TGFA: variants seen among roughly 807,000 people sequenced by gnomAD.
TGFA encodes the protein transforming growth factor alpha.
In TGFA, 12 loss-of-function variants were observed where a neutral mutation model predicts 21.7. The ratio of observed to expected loss-of-function variants is 0.55; its 90% CI spans 0.35 to 0.90. The LOEUF (loss-of-function observed/expected upper bound fraction) is 0.90, where lower values mean the gene tolerates loss of function less well. TGFA is among the 40% of genes least tolerant of loss of function. TGFA has a pLI of 0.01. For synonymous variants in TGFA, 79 were observed against 88.1 expected (o/e 0.90, Z 0.58); for missense variants, 178 against 210.8 (o/e 0.84, Z 0.96).
At chr2:70,548,663 A>C (rs1334071106) in intron 1 of TGFA, among the ~76,000 whole-genome samples, 2 of 152,258 alleles carry the variant, frequency 1.3e-5, no homozygotes, top group Non-Finnish European at 2.9e-5. Context: ...GCTTCCTCTG[A>C]CTTAGAGCAC....
chr2:70,477,639 C>T (rs1553494696), intron 2 of TGFA, among the ~76,000 whole-genome samples: 1 of 152,138 alleles, frequency 6.6e-6, no homozygotes, highest in Non-Finnish European at 1.5e-5. Flanking sequence ...GTAACATGCT[C>T]CACTTGCAGG....
In TGFA at chr2:70,449,388, A is replaced by C. The variant is rs1320288499; in HGVS notation, c.*1471T>G. The C allele has an allele frequency of 6.5e-6, 1 of 152,936 alleles. No homozygotes were observed. Among genetic ancestry groups the C allele is most frequent in the East Asian group, 1.9e-4 (1 of 5,202 alleles). 9.5% of individuals were successfully genotyped at this position (152,936 alleles called of 1,614,324 possible). ...TCAGATATTAGTAGCATTTCCTCAC[A>C]TAAGGAGTTTATATATTATTTCTTC... On this transcript the variant is annotated 3_prime_UTR_variant, in exon 6 of 6. Coordinates refer to ENST00000295400, the MANE Select transcript of TGFA (RefSeq NM_003236.4).
intron 1 of TGFA, among the ~76,000 whole-genome samples, chr2:70,521,305 G>A (rs370148829): frequency 3.9e-5 from 6 of 152,112 alleles, no homozygotes; most frequent in African/African-American, 1.4e-4. Flanking sequence ...CTCCTGTCAG[G>A]TCCTCTGACC....
At chr2:70,494,060 T>C (rs544243903) in intron 2 of TGFA, among the ~76,000 whole-genome samples, 177 of 152,322 alleles carry the variant, frequency 1.2e-3, no homozygotes, top group African/African-American at 3.9e-3. Context: ...GATGGTTCCC[T>C]CTGGAGATTG....
chr2:70,487,644 T>G (rs990513230), intron 2 of TGFA, among the ~76,000 whole-genome samples: 3 of 152,160 alleles, frequency 2.0e-5, no homozygotes, highest in Non-Finnish European at 2.9e-5. Context: ...ATTTCAGGTT[T>G]TGGGATTAGG....
At chr2:70,476,103 A>AG (rs1670923590) in intron 2 of TGFA, among the ~76,000 whole-genome samples, 1 of 150,882 alleles carries the variant, frequency 6.6e-6, no homozygotes, top group East Asian at 1.9e-4. Context: ...AAAAAAAAAA[A>AG]AAAATTAAGA....
intron 2 of TGFA, among the ~76,000 whole-genome samples, chr2:70,494,755 A>G (rs1220445066): frequency 6.6e-6 from 1 of 152,090 alleles, no homozygotes; most frequent in Non-Finnish European, 1.5e-5. Flanking sequence ...TTCTATGTTT[A>G]TTGGCCGTAT....
intron 1 of TGFA, among the ~76,000 whole-genome samples, chr2:70,531,247 C>T (rs1672806481): frequency 6.6e-6 from 1 of 152,096 alleles, no homozygotes; most frequent in South Asian, 2.1e-4. Context: ...GTTTTTTTGC[C>T]TCTTACTTCG....
At chr2:70,451,687 C>T in intron 5 of TGFA, 1 of 681,492 alleles carries the variant, frequency 1.5e-6, no homozygotes, top group Non-Finnish European at 2.6e-6. Flanking sequence ...AGATTAAAAA[C>T]ATTTTTCTAT....
At chr2:70,518,977 G>A (rs1169570871) in intron 1 of TGFA, among the ~76,000 whole-genome samples, 1 of 152,214 alleles carries the variant, frequency 6.6e-6, no homozygotes, top group African/African-American at 2.4e-5. Context: ...TGAAGGGTAA[G>A]TTTTTGTTTT....
chr2:70,490,306 G>A (rs1199944661), intron 2 of TGFA, among the ~76,000 whole-genome samples: 2 of 152,144 alleles, frequency 1.3e-5, no homozygotes, highest in East Asian at 1.9e-4. Flanking sequence ...ATTCAGAGAA[G>A]GTAAAAGATA....
intron 3 of TGFA, among the ~76,000 whole-genome samples, chr2:70,461,055 T>A (rs1230190883): frequency 6.6e-6 from 1 of 152,176 alleles, no homozygotes; most frequent in African/African-American, 2.4e-5. Context: ...TATATTATCA[T>A]CCCTGGGTCC....
chr2:70,456,291 T>G (rs1398430644), intron 4 of TGFA, 48 bp downstream of exon 4: 1 of 1,520,734 alleles, frequency 6.6e-7, no homozygotes. Flanking sequence ...ATGTCCCTGG[T>G]AGGGGAGGTG....
Position 70,461,556 on chromosome 2 carries a change from G to A in TGFA, c.215+4060C>T, listed in dbSNP as rs1670406190. Reference sequence around the variant, plus strand: ...TACTTTGCTGTGGGAAAGTTGTCAGGGAGTTGGGTCACCGAGGAGCATTTG... The same window carrying A: ...TACTTTGCTGTGGGAAAGTTGTCAGAGAGTTGGGTCACCGAGGAGCATTTG... On this transcript the variant is annotated intron_variant, in intron 3 of 5. Coordinates refer to ENST00000295400, the MANE Select transcript of TGFA (RefSeq NM_003236.4). The A allele has an allele frequency of 2.0e-5, 3 of 152,348 alleles. 1 individual carries two copies. The South Asian group carries it at 6.2e-4, about 32-fold the overall frequency. The allele number at this position is 152,348 out of a possible 1,614,324, so 9.4% of individuals were successfully genotyped here. A position where few individuals can be genotyped will look rare whatever the true frequency, so the allele number is the denominator to read the frequency against.
At chr2:70,542,509 T>A (rs1673163300) in intron 1 of TGFA, among the ~76,000 whole-genome samples, 1 of 152,192 alleles carries the variant, frequency 6.6e-6, no homozygotes, top group Non-Finnish European at 1.5e-5. Context: ...GAAGTGCTGA[T>A]TTTAAAAACA....
intron 5 of TGFA, among the ~76,000 whole-genome samples, chr2:70,452,617 C>T (rs1670092033): frequency 6.6e-6 from 1 of 152,170 alleles, no homozygotes; most frequent in African/African-American, 2.4e-5. Flanking sequence ...ATCAGTACTC[C>T]TCCAATTTGC....
intron 1 of TGFA, 71 bp from the exon 2 acceptor site, chr2:70,514,983 G>T: frequency 6.8e-7 from 1 of 1,462,338 alleles, no homozygotes; most frequent in Non-Finnish European, 9.4e-7. Flanking sequence ...ACGCTTAGAG[G>T]GCAGGCCCTT....
chr2:70,527,706 C>A (rs191069160), intron 1 of TGFA, among the ~76,000 whole-genome samples: 1 of 152,174 alleles, frequency 6.6e-6, no homozygotes, highest in African/African-American at 2.4e-5. Context: ...ATGTTAATAA[C>A]AGGTGAAACT....
In TGFA at chr2:70,534,703, T is replaced by TG. The variant is rs1553504164; in HGVS notation, c.40+19024_40+19025insC. On this transcript the variant is annotated intron_variant, in intron 1 of 5. Transcript: ENST00000295400. ...AACCACTCTACCATACTTGTTTTTT[T>TG]ATATTTCCTAGCACTGGGAAGGGCA... Among the ~76,000 whole-genome samples, 227 of 152,036 alleles carry TG rather than the reference T, an allele frequency of 1.5e-3. 1 individual carries two copies. The highest frequency in any genetic ancestry group is 5.2e-3 in the African/African-American group (215 of 41,360).
Sources: gnomAD v4.1 joint callset for allele counts (sites outside exome capture counted in the v4.1 genomes callset) on GRCh38, gnomAD v4.1.1 for gene constraint, MANE v1.5 for transcripts, NCBI Gene and HGNC (gene_info 2026-07-23, HGNC 2026-07-21) for gene names.